PLEKHH2: variants seen among roughly 807,000 people sequenced by gnomAD.
PLEKHH2 encodes the protein pleckstrin homology, MyTH4 and FERM domain containing H2.
PLEKHH2 carries 129 observed loss-of-function variants against 187.9 expected under a neutral mutation model. That is an observed-to-expected ratio of 0.69 (90% CI 0.59 to 0.79). The LOEUF (loss-of-function observed/expected upper bound fraction) is 0.79. Among genes scored for constraint, PLEKHH2 ranks in the 30% least tolerant of loss-of-function variants. The pLI is 0.00. For missense variants in PLEKHH2, 2,076 were observed against 1,751.2 expected, an observed-to-expected ratio of 1.19 and a Z score of -3.31; for synonymous variants, 686 against 605.6, an observed-to-expected ratio of 1.13 and a Z score of -1.95.
intron 3 of PLEKHH2, among the ~76,000 whole-genome samples, chr2:43,682,041 T>C (rs953468124): frequency 6.6e-6 from 1 of 152,126 alleles, no homozygotes; most frequent in African/African-American, 2.4e-5. Flanking sequence ...GCCTCATCTG[T>C]ACCTCCACCC....
At chr2:43,709,566 C>T (rs1410658221) in intron 11 of PLEKHH2, among the ~76,000 whole-genome samples, 2 of 152,112 alleles carry the variant, frequency 1.3e-5, no homozygotes. Context: ...CCTCTTAGTT[C>T]TGTTTTCTGC....
At chr2:43,759,444 T>C (rs2104625616) in intron 27 of PLEKHH2, among the ~76,000 whole-genome samples, 1 of 152,336 alleles carries the variant, frequency 6.6e-6, no homozygotes, top group South Asian at 2.1e-4. Flanking sequence ...CCAGGACTAT[T>C]TTACTTTGTA....
rs1667716435 is a variant in PLEKHH2, at chr2:43,675,637, ACTC to A, written c.124-3223_124-3221del. ...ATAATCCTCTGCATTTTCTGCATGA[ACTC>A]CTGCATATTTCAGGCATATTGCCAG... On this transcript the variant is annotated intron_variant, in intron 2 of 29. Transcript: ENST00000282406. 13 of 1,613,346 alleles carry A rather than the reference ACTC, an allele frequency of 8.1e-6. No individual in the cohort carries two copies. The East Asian group carries it at 2.9e-4, about 36-fold the overall frequency.
chr2:43,657,000 CAA>C (rs1321925583), intron 2 of PLEKHH2, among the ~76,000 whole-genome samples: 3 of 151,844 alleles, frequency 2.0e-5, no homozygotes, highest in African/African-American at 4.8e-5. Context: ...GCCTGGGCAA[CAA>C]GAGCAAAACT....
At chr2:43,648,238 G>T (rs113155046) in intron 2 of PLEKHH2, among the ~76,000 whole-genome samples, 3,502 of 152,132 alleles carry the variant, frequency 0.023, 63 homozygotes, top group Non-Finnish European at 0.032. Flanking sequence ...GCCCAGGTTG[G>T]AGTGCAGTGG....
chr2:43,640,856 T>C (rs1488538029), intron 1 of PLEKHH2, among the ~76,000 whole-genome samples: 2 of 151,756 alleles, frequency 1.3e-5, no homozygotes, highest in African/African-American at 2.4e-5. Context: ...GTGAACATGG[T>C]TCACTGCAGC....
At chr2:43,745,843 T>C (rs1163249173) in intron 23 of PLEKHH2, 23 bp from the exon 24 acceptor site, 4 of 1,551,824 alleles carry the variant, frequency 2.6e-6, no homozygotes, top group South Asian at 2.3e-5. Flanking sequence ...ACTGTAAATC[T>C]CAGTTTTCCA....
intron 1 of PLEKHH2, 92 bp from the exon 2 acceptor site, chr2:43,644,579 G>A: frequency 9.6e-7 from 1 of 1,044,670 alleles, no homozygotes; most frequent in Non-Finnish European, 1.3e-6. Context: ...TGTACATTGG[G>A]TAATTTAACA....
chr2:43,765,746 T>A lies in PLEKHH2; in HGVS notation c.*148T>A. The A allele has an allele frequency of 1.5e-6, 1 of 675,680 alleles. No individual in the cohort carries two copies. Among genetic ancestry groups the A allele is most frequent in the Non-Finnish European group, 2.3e-6 (1 of 440,620 alleles). The allele number at this position is 675,680 out of a possible 1,614,324, so 41.9% of individuals were successfully genotyped here. On this transcript the variant is annotated 3_prime_UTR_variant, in exon 30 of 30. Coordinates refer to ENST00000282406, the MANE Select transcript of PLEKHH2 (RefSeq NM_172069.4). ...AAGGGGGTTAGTCTCTTTTATTTGA[T>A]TCTTAAATATTCAAATAAATATTAA...
At chr2:43,745,564 T>C (rs1671744333) in intron 23 of PLEKHH2, among the ~76,000 whole-genome samples, 1 of 152,174 alleles carries the variant, frequency 6.6e-6, no homozygotes, top group South Asian at 2.1e-4. Flanking sequence ...GACCAAATCA[T>C]GGAAAAATCC....
At position 43,731,544 on chromosome 2, in the gene PLEKHH2, C is replaced by A. The variant is rs1671038905; in HGVS notation, c.2885C>A (p.Ser962Tyr). The change falls in exon 19 of 30, where the codon TCC (serine) becomes TAC (tyrosine). Residue 962 changes from serine (S) to tyrosine (Y), a missense_variant. By Grantham distance (144) the Ser-to-Tyr change is moderately radical. Coordinates refer to ENST00000282406, the MANE Select transcript of PLEKHH2 (RefSeq NM_172069.4). ...TGTCACAGTAAAGAAGGAATCATTT[C>A]CCCTCTGACAACTCTACCTTCCGAA... Reference protein sequence around the residue: ...TLCHSKEGIISPLTTLPSEAL... With the variant: ...TLCHSKEGIIYPLTTLPSEAL... The A allele has an allele frequency of 6.2e-7, 1 of 1,607,192 alleles. No homozygotes were observed. Among genetic ancestry groups the A allele is most frequent in the South Asian group, 1.1e-5 (1 of 90,694 alleles).
Position 43,742,805 on chromosome 2 carries a change from G to C in PLEKHH2, c.3286G>C (p.Asp1096His), listed in dbSNP as rs757447835. 18 of 1,606,848 alleles carry C rather than the reference G, an allele frequency of 1.1e-5. No individual in the cohort carries two copies. The East Asian group carries it at 4.1e-4, about 36-fold the overall frequency. ...RCVERTQQNGDREARPSRMEI... is the reference protein window; with the variant it reads ...RCVERTQQNGHREARPSRMEI... ...TGTAGAAAGAACGCAACAAAATGGTGACAGAGAAGCAAGACCCTCAAGGAT... is the reference window on the plus strand; with the variant it reads ...TGTAGAAAGAACGCAACAAAATGGTCACAGAGAAGCAAGACCCTCAAGGAT... The change falls in exon 22 of 30, where the codon GAC (aspartate) becomes CAC (histidine). Residue 1096 changes from aspartate (D) to histidine (H), a missense_variant. Coordinates refer to ENST00000282406, the MANE Select transcript of PLEKHH2 (RefSeq NM_172069.4).
At chr2:43,704,231 G>A (rs954581374) in intron 9 of PLEKHH2, among the ~76,000 whole-genome samples, 175 bp downstream of exon 9, 2 of 152,150 alleles carry the variant, frequency 1.3e-5, no homozygotes, top group African/African-American at 4.8e-5. Flanking sequence ...GCGGTTACCA[G>A]GGTCAGGGTG....
intron 2 of PLEKHH2, among the ~76,000 whole-genome samples, chr2:43,654,073 A>G (rs544135171): frequency 4.0e-4 from 61 of 152,382 alleles, no homozygotes; most frequent in African/African-American, 1.3e-3. Flanking sequence ...ACTAAACTAA[A>G]AAAGTCAAAA....
intron 3 of PLEKHH2, among the ~76,000 whole-genome samples, chr2:43,688,738 C>T (rs113422323): frequency 6.6e-6 from 1 of 152,160 alleles, no homozygotes; most frequent in Non-Finnish European, 1.5e-5. Flanking sequence ...GAAAAGGGCA[C>T]ATAGAGTGGT....
At chr2:43,645,553 G>A (rs1180497581) in intron 2 of PLEKHH2, among the ~76,000 whole-genome samples, 1 of 152,098 alleles carries the variant, frequency 6.6e-6, no homozygotes, top group Non-Finnish European at 1.5e-5. Context: ...AGTTCAAATT[G>A]AGGTGTGTTG....
chr2:43,764,253 A>G lies in PLEKHH2; in HGVS notation c.4184A>G (p.Lys1395Arg), dbSNP rs757406894. 2.4e-5 allele frequency: 37 copies of G among 1,556,184 alleles called. No individual in the cohort carries two copies. The South Asian group carries it at 3.6e-4, about 15-fold the overall frequency. The change falls in exon 29 of 30, where the codon AAG becomes AGG. Residue 1395 changes from lysine (K) to arginine (R), a missense_variant. Physicochemically the swap from Lys to Arg is conservative, Grantham distance 26. Transcript: ENST00000282406. ...AGGTTAATAGTCAGCTATGTGTACA[A>G]GAGTCTAATGACCTTTGGAGGCTAT... ...SMRLIVSYVY[K>R]SLMTFGGYQD...
Position 43,757,209 on chromosome 2 carries a change from A to G in PLEKHH2, c.3886A>G (p.Ile1296Val), listed in dbSNP as rs370848865. ...CKVNQTLKQVIEKFYPKRYRD... is the reference protein window; with the variant it reads ...CKVNQTLKQVVEKFYPKRYRD... ...AGTGAATCAAACTCTAAAGCAAGTC[A>G]TAGAGAAATTTTATCCTAAAAGGTA... The change falls in exon 26 of 30, where the codon ATA becomes GTA. Residue 1296 changes from isoleucine to valine, a missense_variant. Transcript: ENST00000282406. 1.2e-5 allele frequency: 20 copies of G among 1,603,470 alleles called. No homozygotes were observed. In the African/African-American group the frequency reaches 2.3e-4, roughly 18 times the overall value.
intron 15 of PLEKHH2, among the ~76,000 whole-genome samples, chr2:43,715,118 A>T (rs556285316): frequency 6.6e-6 from 1 of 152,092 alleles, no homozygotes; most frequent in African/African-American, 2.4e-5. Context: ...TCTACTAAAA[A>T]TACAAAAATT....
Sources: gnomAD v4.1 joint callset for allele counts (sites outside exome capture counted in the v4.1 genomes callset) on GRCh38, gnomAD v4.1.1 for gene constraint, MANE v1.5 for transcripts, NCBI Gene and HGNC (gene_info 2026-07-23, HGNC 2026-07-21) for gene names.